KLHDC9: variants seen among roughly 807,000 people sequenced by gnomAD.
The protein encoded by KLHDC9 is kelch domain-containing protein 9.
KLHDC9 carries 26 observed loss-of-function variants against 31.5 expected under a neutral mutation model. The observed-to-expected ratio is 0.83, with a 90% confidence interval of 0.61 to 1.15. The LOEUF (loss-of-function observed/expected upper bound fraction) is 1.15, where lower values mean the gene tolerates loss of function less well. Among genes scored for constraint, KLHDC9 ranks in the 50% most tolerant of loss-of-function variants. KLHDC9 has a pLI of 0.00. For synonymous variants in KLHDC9, 176 were observed against 184.7 expected, an observed-to-expected ratio of 0.95 and a Z score of 0.38; for missense variants, 437 against 467.7, an observed-to-expected ratio of 0.93 and a Z score of 0.61.
intron 3 of KLHDC9, 125 bp from the exon 4 acceptor site, chr1:161,099,936 A>G (rs1437817483): frequency 3.0e-6 from 4 of 1,339,632 alleles, no homozygotes; most frequent in Non-Finnish European, 3.2e-6. Context: ...CAGAATATTA[A>G]GCATTTGAAG....
Position 161,098,749 on chromosome 1 carries a change from G to T in KLHDC9, c.214G>T (p.Gly72Ter). ...AGCTAGGGGCCAGGCCGTACGATTG[G>T]GAGCCCGGGGCAGCCCCCCGCGCAG... ...DPARGQAVRL[G>*]ARGSPPRSHH... Residue 72 changes from glycine to a stop codon, truncating the protein, a stop_gained, in exon 1 of 4, where the codon GGA (glycine) becomes TGA (stop). Transcript: ENST00000368011. LOFTEE classifies it high-confidence loss of function. This position sits in a 1 kb window ranked among gnomAD's most constrained non-coding sequence, Gnocchi z 6.3. 6.2e-7 allele frequency: 1 copy of T among 1,605,886 alleles called. No individual in the cohort carries two copies. Among genetic ancestry groups the T allele is most frequent in the East Asian group, 2.3e-5 (1 of 44,368 alleles).
intron 3 of KLHDC9, 33 bp from the exon 4 acceptor site, chr1:161,100,028 C>T: frequency 6.2e-7 from 1 of 1,610,322 alleles, no homozygotes; most frequent in Non-Finnish European, 8.5e-7. Flanking sequence ...AGTGCTACTG[C>T]CTCAATAACC....
Position 161,099,436 on chromosome 1 carries a change from A to G in KLHDC9, c.618A>G (p.Leu206=), listed in dbSNP as rs142312611. The G allele has an allele frequency of 1.6e-4, 266 of 1,614,214 alleles. 1 individual carries two copies. The African/African-American group carries it at 2.6e-3, about 16-fold the overall frequency. ...QTPGPHPGHQ[L]LLFGGCNLAE... Reference sequence around the variant, plus strand: ...CTGGACCCCATCCAGGTCATCAGCTATTGCTCTTTGGAGGTTGCAACTTAG... The same window carrying G: ...CTGGACCCCATCCAGGTCATCAGCTGTTGCTCTTTGGAGGTTGCAACTTAG... Residue 206 remains leucine (L), a synonymous_variant, in exon 2 of 4, where the codon CTA becomes CTG. Transcript: ENST00000368011.
At position 161,098,427 on chromosome 1, in the gene KLHDC9, G is replaced by A. The variant is rs1309339165; in HGVS notation, c.-109G>A. On this transcript the variant is annotated 5_prime_UTR_variant, in exon 1 of 4. Transcript: ENST00000368011. This position sits in a 1 kb window ranked among gnomAD's most constrained non-coding sequence, Gnocchi z 6.3. ...GAGGTGGGAACCCCGGCTGGCGTCC[G>A]GTAGGGGGAGGTTCCCGGGGAAGCC... The A allele has an allele frequency of 2.4e-5, 25 of 1,020,596 alleles. No homozygotes were observed. The highest frequency in any genetic ancestry group is 3.3e-5 in the Non-Finnish European group (24 of 734,102). The allele number at this position is 1,020,596 out of a possible 1,614,324, so 63.2% of individuals were successfully genotyped here. A position where few individuals can be genotyped will look rare whatever the true frequency, so the allele number is the denominator to read the frequency against.
chr1:161,099,964 G>C (rs924699189), intron 3 of KLHDC9, 97 bp from the exon 4 acceptor site: 67 of 1,473,858 alleles, frequency 4.5e-5, no homozygotes, highest in Non-Finnish European at 6.0e-5. Flanking sequence ...CAAATCAAGT[G>C]AGCAGAAAAA....
Position 161,100,049 on chromosome 1 carries a change from C to T in KLHDC9, c.887-12C>T, listed in dbSNP as rs186387869. The stretch of plus-strand genomic sequence containing the variant: ...ACTGCCTCAATAACCACCCTCTGCC[C>T]GTATCCAACAGGCACATCTCCTCCT... On this transcript the variant is annotated splice_polypyrimidine_tract_variant and intron_variant, in intron 3 of 3. Transcript: ENST00000368011. 1.8e-4 allele frequency: 292 copies of T among 1,613,660 alleles called. No individual in the cohort carries two copies. In the East Asian group the frequency reaches 3.3e-3, roughly 18 times the overall value.
In KLHDC9 at chr1:161,100,245, T is replaced by C. The variant is rs1250211875; in HGVS notation, c.*21T>C. On this transcript the variant is annotated 3_prime_UTR_variant, in exon 4 of 4. Transcript: ENST00000368011. ...TCTAAATAGTGCCAAGACACATCAC[T>C]AAGCCTCGTTTTGTTTTGCTTTGTT... The C allele has an allele frequency of 4.4e-6, 7 of 1,605,062 alleles. No homozygotes were observed. The highest frequency in any genetic ancestry group is 5.1e-6 in the Non-Finnish European group (6 of 1,173,202).
At position 161,099,580 on chromosome 1, in the gene KLHDC9, C is replaced by G. The variant is rs1205361418; in HGVS notation, c.688-18C>G. 1.8e-5 allele frequency: 29 copies of G among 1,614,070 alleles called. No individual in the cohort carries two copies. Among genetic ancestry groups the G allele is most frequent in the Non-Finnish European group, 2.5e-5 (29 of 1,180,028 alleles). On this transcript the variant is annotated intron_variant, in intron 2 of 3. Coordinates refer to ENST00000368011, the MANE Select transcript of KLHDC9 (RefSeq NM_152366.5). The stretch of plus-strand genomic sequence containing the variant: ...TGATGCCCAGGTCTCTTCGGACAGT[C>G]CTTTCTTTCTCCCCAAGGAGGAACC...
Position 161,099,070 on chromosome 1 carries a change from A to C in KLHDC9, c.527+8A>C. 1.3e-6 allele frequency: 2 copies of C among 1,594,560 alleles called. No individual in the cohort carries two copies. The highest frequency in any genetic ancestry group is 2.2e-5 in the South Asian group (2 of 90,310). Reference sequence around the variant, plus strand: ...CAGCGCCCGCACCTATTGGTATGGCACCCTCCGCCCAAAACCTTTCACTCT... The same window carrying C: ...CAGCGCCCGCACCTATTGGTATGGCCCCCTCCGCCCAAAACCTTTCACTCT... On this transcript the variant is annotated splice_region_variant and intron_variant, in intron 1 of 3. Coordinates refer to ENST00000368011, the MANE Select transcript of KLHDC9 (RefSeq NM_152366.5).
chr1:161,100,040 C>T (rs1288442449), intron 3 of KLHDC9, 21 bp from the exon 4 acceptor site: 2 of 1,613,224 alleles, frequency 1.2e-6, no homozygotes, highest in Admixed American at 3.3e-5. Context: ...TCAATAACCA[C>T]CCTCTGCCCG....
chr1:161,099,301 T>C (rs1300282264), intron 1 of KLHDC9, 45 bp from the exon 2 acceptor site: 1 of 1,612,828 alleles, frequency 6.2e-7, no homozygotes, highest in African/African-American at 1.3e-5. Flanking sequence ...GGCACTTACA[T>C]TTTCCAGAAA....
At position 161,099,492 on chromosome 1, in the gene KLHDC9, A is replaced by T. The variant is rs1484004444; in HGVS notation, c.674A>T (p.His225Leu). The change falls in exon 2 of 4, where the codon CAT becomes CTT. Residue 225 changes from histidine (H) to leucine (L), a missense_variant. By Grantham distance (99) the His-to-Leu change is moderately conservative. Transcript: ENST00000368011. ...AEPEVAGHWSHGKIKEEPPVA... is the reference protein window; with the variant it reads ...AEPEVAGHWSLGKIKEEPPVA... ...CCAGAAGTAGCTGGGCATTGGAGTC[A>T]TGGGAAAATTAAGGTATTAGCTCCT... 6.2e-7 allele frequency: 1 copy of T among 1,614,256 alleles called. No individual in the cohort carries two copies. The highest frequency in any genetic ancestry group is 8.5e-7 in the Non-Finnish European group (1 of 1,180,050).
chr1:161,100,160 T>C lies in KLHDC9; in HGVS notation c.986T>C (p.Val329Ala), dbSNP rs764683288. 3.1e-6 allele frequency: 5 copies of C among 1,614,082 alleles called. No homozygotes were observed. The highest frequency in any genetic ancestry group is 4.5e-5 in the East Asian group (2 of 44,904). The change falls in exon 4 of 4, where the codon GTT becomes GCT. Residue 329 changes from valine to alanine, a missense_variant. Transcript: ENST00000368011. The stretch of plus-strand genomic sequence containing the variant: ...CTTTGGAATGATCAGCTTTACCTGG[T>C]TGGGGGTTTTGGTGAGGATGGCAGG... ...TCLWNDQLYL[V>A]GGFGEDGRTA...
chr1:161,099,131 T>G, intron 1 of KLHDC9, 69 bp downstream of exon 1: 1 of 1,516,660 alleles, frequency 6.6e-7, no homozygotes, highest in South Asian at 1.2e-5. Flanking sequence ...CCTAAGCAGA[T>G]TTCTCAGGCA....
chr1:161,099,959 C>A, intron 3 of KLHDC9, 102 bp from the exon 4 acceptor site: 1 of 1,454,434 alleles, frequency 6.9e-7, no homozygotes, highest in Non-Finnish European at 9.6e-7. Flanking sequence ...GCCTACAAAT[C>A]AAGTGAGCAG....
chr1:161,100,130 C>T lies in KLHDC9; in HGVS notation c.956C>T (p.Thr319Ile), dbSNP rs762618118. Residue 319 changes from threonine (T) to isoleucine (I), a missense_variant, in exon 4 of 4, where the codon ACC (threonine) becomes ATC (isoleucine). Coordinates refer to ENST00000368011, the MANE Select transcript of KLHDC9 (RefSeq NM_152366.5). ...GGGATGAAACGCATGGGCCATCGCA[C>T]CTGCCTTTGGAATGATCAGCTTTAC... ...DRGMKRMGHR[T>I]CLWNDQLYLV... 1 of 1,614,226 alleles carries T rather than the reference C, an allele frequency of 6.2e-7. No homozygotes were observed. Among genetic ancestry groups the T allele is most frequent in the Non-Finnish European group, 8.5e-7 (1 of 1,180,038 alleles).
Position 161,098,702 on chromosome 1 carries a change from G to A in KLHDC9, c.167G>A (p.Ser56Asn). 1.9e-6 allele frequency: 3 copies of A among 1,612,824 alleles called. No homozygotes were observed. Among genetic ancestry groups the A allele is most frequent in the Non-Finnish European group, 2.5e-6 (3 of 1,179,370 alleles). Residue 56 changes from serine (S) to asparagine (N), a missense_variant, in exon 1 of 4, where the codon AGC becomes AAC. Physicochemically the swap from Ser to Asn is conservative, Grantham distance 46 (BLOSUM62 1). Coordinates refer to ENST00000368011, the MANE Select transcript of KLHDC9 (RefSeq NM_152366.5). This position sits in a 1 kb window ranked among gnomAD's most constrained non-coding sequence, Gnocchi z 6.3. The stretch of plus-strand genomic sequence containing the variant: ...GCAGGAGGAGCGAGAGAGCCCAGCA[G>A]CGATACGGTGGTTTTCGACCCAGCT... The part of the protein sequence containing the change: ...LLAGGAREPS[S>N]DTVVFDPARG...
chr1:161,098,701 A>T lies in KLHDC9; in HGVS notation c.166A>T (p.Ser56Cys). The stretch of plus-strand genomic sequence containing the variant: ...AGCAGGAGGAGCGAGAGAGCCCAGC[A>T]GCGATACGGTGGTTTTCGACCCAGC... ...LLAGGAREPS[S>C]DTVVFDPARG... The change falls in exon 1 of 4, where the codon AGC becomes TGC. Residue 56 changes from serine to cysteine, a missense_variant. Ser to Cys is a moderately radical substitution (Grantham distance 112). Coordinates refer to ENST00000368011, the MANE Select transcript of KLHDC9 (RefSeq NM_152366.5). The surrounding 1 kb of genome is among the most constrained non-coding windows in gnomAD (Gnocchi z 6.3). 1.9e-6 allele frequency: 3 copies of T among 1,612,966 alleles called. No homozygotes were observed. The highest frequency in any genetic ancestry group is 2.5e-6 in the Non-Finnish European group (3 of 1,179,408).
chr1:161,098,601 G>A lies in KLHDC9; in HGVS notation c.66G>A (p.Arg22=), dbSNP rs369269781. Residue 22 remains arginine, a synonymous_variant, in exon 1 of 4, where the codon CGG becomes CGA. Coordinates refer to ENST00000368011, the MANE Select transcript of KLHDC9 (RefSeq NM_152366.5). This position sits in a 1 kb window ranked among gnomAD's most constrained non-coding sequence, Gnocchi z 6.3. ...GSGWAWRPVA[R]DALLARAFHS... ...GCTGGGCCTGGAGGCCAGTGGCGCG[G>A]GACGCGCTTTTGGCTAGAGCTTTCC... 1 of 1,596,486 alleles carries A rather than the reference G, an allele frequency of 6.3e-7. No individual in the cohort carries two copies. The highest frequency in any genetic ancestry group is 1.3e-5 in the African/African-American group (1 of 74,564).
Sources: allele counts gnomAD v4.1 joint callset, GRCh38; gene constraint gnomAD v4.1.1; non-coding constraint Gnocchi (gnomAD v3.1); transcripts MANE v1.5; gene names NCBI Gene and HGNC (gene_info 2026-07-23, HGNC 2026-07-21).